CEP135: variants seen among roughly 807,000 people sequenced by gnomAD.
The protein encoded by CEP135 is centrosomal protein of 135 kDa.
Under a neutral mutation model 157.3 loss-of-function variants are expected in CEP135, and 142 were observed. The ratio of observed to expected loss-of-function variants is 0.90; its 90% CI spans 0.79 to 1.04. The LOEUF is 1.04. Among genes scored for constraint, CEP135 ranks in the 50% least tolerant of loss-of-function variants. The probability of loss-of-function intolerance (pLI) is 0.00; values close to 1 mark genes in which losing one functional copy is unlikely to be tolerated. For synonymous variants in CEP135, 396 were observed against 439.8 expected (o/e 0.90, Z 1.25); for missense variants, 1,317 against 1,309.2 (o/e 1.01, Z -0.09).
At chr4:55,960,893 T>C (rs1173872765) in intron 6 of CEP135, 1 of 123,426 alleles carries the variant, frequency 8.1e-6, no homozygotes, top group Non-Finnish European at 1.6e-5. Context: ...GCCACTGCAC[T>C]CCAGCCTGGG....
chr4:55,969,442 A>G (rs1035391924), intron 9 of CEP135, among the ~76,000 whole-genome samples: 2 of 151,738 alleles, frequency 1.3e-5, no homozygotes, highest in African/African-American at 4.8e-5. Context: ...AAAAAAAAAA[A>G]AAAAAAGAAA....
intron 19 of CEP135, among the ~76,000 whole-genome samples, chr4:56,010,804 A>G (rs1475478216): frequency 6.6e-6 from 1 of 152,190 alleles, no homozygotes; most frequent in Non-Finnish European, 1.5e-5. Flanking sequence ...TATTTTCCGT[A>G]TTATTCAGCA....
chr4:55,999,693 T>TTTTTTG (rs772834016), intron 17 of CEP135, 48 bp downstream of exon 17: 6 of 1,555,420 alleles, frequency 3.9e-6, no homozygotes, highest in African/African-American at 2.8e-5. Context: ...CAGAACAGTT[T>TTTTTTG]TTTTTGTTTT....
chr4:55,994,162 C>A (rs1008046146), intron 15 of CEP135, among the ~76,000 whole-genome samples: 1 of 152,116 alleles, frequency 6.6e-6, no homozygotes, highest in South Asian at 2.1e-4. Context: ...TTATCTAAAC[C>A]TTTTGCCACT....
Position 55,971,318 on chromosome 4 carries a change from C to A in CEP135, c.1159C>A (p.Leu387Ile). The change falls in exon 10 of 26, where the codon CTT (leucine) becomes ATT (isoleucine). Residue 387 changes from leucine (L) to isoleucine (I), a missense_variant. Physicochemically the swap from Leu to Ile is conservative, Grantham distance 5. Transcript: ENST00000257287. Reference sequence around the variant, plus strand: ...AAAGGAGAGACTGAGTGATGAACTCCTTGTAAAATCAGACCTAGAAACTGT... The same window carrying A: ...AAAGGAGAGACTGAGTGATGAACTCATTGTAAAATCAGACCTAGAAACTGT... Reference protein sequence around the residue: ...KEKERLSDELLVKSDLETVVH... With the variant: ...KEKERLSDELIVKSDLETVVH... The A allele has an allele frequency of 1.2e-6, 2 of 1,605,480 alleles. No individual in the cohort carries two copies. The highest frequency in any genetic ancestry group is 1.7e-6 in the Non-Finnish European group (2 of 1,176,320).
intron 19 of CEP135, 23 bp from the exon 20 acceptor site, chr4:56,011,389 G>A (rs1397775318): frequency 2.1e-6 from 3 of 1,457,966 alleles, no homozygotes; most frequent in East Asian, 2.3e-5. Context: ...ATTTTAGATT[G>A]TCTTTAATTT....
intron 23 of CEP135, 72 bp downstream of exon 23, chr4:56,019,627 G>C: frequency 7.8e-7 from 1 of 1,280,880 alleles, no homozygotes; most frequent in Non-Finnish European, 1.1e-6. Context: ...TTTTGAAGTG[G>C]AGGAAAGGTT....
Position 55,957,170 on chromosome 4 carries a change from C to T in CEP135, c.473-53C>T. 25 of 1,584,978 alleles carry T rather than the reference C, an allele frequency of 1.6e-5. No homozygotes were observed. The South Asian group carries it at 2.5e-4, about 16-fold the overall frequency. ...AAAGGCTAACCTGGAATATTTAATT[C>T]TAAGACATGGTTTTGTTTCTTCTTA... is the stretch of plus-strand genomic sequence containing the variant. On this transcript the variant is annotated intron_variant, in intron 4 of 25. Transcript: ENST00000257287.
Position 56,029,676 on chromosome 4 carries a change from T to C in CEP135, c.*12-1684T>C, listed in dbSNP as rs557461263. Among the ~76,000 whole-genome samples, 9 of 152,330 alleles carry C rather than the reference T, an allele frequency of 5.9e-5. No homozygotes were observed. The East Asian group carries it at 1.7e-3, about 29-fold the overall frequency. On this transcript the variant is annotated intron_variant, in intron 25 of 25. Coordinates refer to ENST00000257287, the MANE Select transcript of CEP135 (RefSeq NM_025009.5). ...CAGGCTATATGGTATAGCCTCTTGCTCCTAGGCGATAAATCTGTACAGCAT... is the reference window on the plus strand; with the variant it reads ...CAGGCTATATGGTATAGCCTCTTGCCCCTAGGCGATAAATCTGTACAGCAT...
chr4:55,952,270 C>A (rs753631402), intron 2 of CEP135, 27 bp downstream of exon 2: 3 of 1,299,702 alleles, frequency 2.3e-6, no homozygotes, highest in Non-Finnish European at 2.2e-6. Flanking sequence ...AGTTTTCAAC[C>A]TTTATGATCC....
intron 23 of CEP135, among the ~76,000 whole-genome samples, chr4:56,020,287 T>C (rs1730930509): frequency 6.6e-6 from 1 of 152,146 alleles, no homozygotes; most frequent in Admixed American, 6.6e-5. Context: ...GATTTAGACA[T>C]ATTTGTAGGA....
At chr4:55,962,503 C>A (rs1335494323) in intron 6 of CEP135, among the ~76,000 whole-genome samples, 1 of 152,194 alleles carries the variant, frequency 6.6e-6, no homozygotes, top group Non-Finnish European at 1.5e-5. Context: ...TCTGTCTCTG[C>A]TTCTCCACCT....
chr4:55,998,325 A>G (rs181480887), intron 15 of CEP135, among the ~76,000 whole-genome samples: 2 of 152,332 alleles, frequency 1.3e-5, no homozygotes, highest in African/African-American at 4.8e-5. Context: ...AAGACTCTGC[A>G]TGACATGAAA....
At chr4:56,010,508 G>A (rs1417050725) in intron 19 of CEP135, among the ~76,000 whole-genome samples, 1 of 152,132 alleles carries the variant, frequency 6.6e-6, no homozygotes, top group African/African-American at 2.4e-5. Context: ...AAACCTAAAG[G>A]TGGGAGCATG....
intron 15 of CEP135, among the ~76,000 whole-genome samples, chr4:55,992,565 C>T (rs1321502324): frequency 1.3e-5 from 2 of 152,028 alleles, no homozygotes; most frequent in Non-Finnish European, 2.9e-5. Flanking sequence ...GGAGGTAAGA[C>T]ATATCAATAG....
intron 15 of CEP135, among the ~76,000 whole-genome samples, chr4:55,996,749 C>T (rs1729981644): frequency 6.6e-6 from 1 of 151,420 alleles, no homozygotes; most frequent in South Asian, 2.1e-4. Flanking sequence ...ATTAAAATTC[C>T]AAACCCATCT....
chr4:56,000,009 G>A (rs1730108700), intron 17 of CEP135, among the ~76,000 whole-genome samples: 2 of 152,012 alleles, frequency 1.3e-5, no homozygotes, highest in South Asian at 4.1e-4. Context: ...GGGCCACGTG[G>A]TGAGACTCCA....
intron 14 of CEP135, among the ~76,000 whole-genome samples, chr4:55,988,695 C>T (rs1291252731): frequency 1.4e-5 from 2 of 147,012 alleles, no homozygotes; most frequent in African/African-American, 5.1e-5. Flanking sequence ...TGGTGGCTCA[C>T]GCCTGTAATC....
Position 55,994,849 on chromosome 4 carries a change from A to G in CEP135, c.2009+2764A>G, listed in dbSNP as rs146882393. ...TACAGGCGCCTGCCACCATGCCCGG[A>G]TAACTTTTGTATTTTTAGTAGAGAA... On this transcript the variant is annotated intron_variant, in intron 15 of 25. Coordinates refer to ENST00000257287, the MANE Select transcript of CEP135 (RefSeq NM_025009.5). 3.2e-3 allele frequency among the ~76,000 whole-genome samples: 480 copies of G among 151,612 alleles called. 5 individuals are homozygous for G. The highest frequency in any genetic ancestry group is 0.021 in the East Asian group (107 of 5,100).
Sources: gnomAD v4.1 joint callset for allele counts (sites outside exome capture counted in the v4.1 genomes callset) on GRCh38, gnomAD v4.1.1 for gene constraint, MANE v1.5 for transcripts, NCBI Gene and HGNC (gene_info 2026-07-23, HGNC 2026-07-21) for gene names.